WNT7A: variants seen among roughly 807,000 people sequenced by gnomAD.
The protein encoded by WNT7A is protein Wnt-7a.
Under a neutral mutation model 28.2 loss-of-function variants are expected in WNT7A, and 16 were observed. The ratio of observed to expected loss-of-function variants is 0.57; its 90% CI spans 0.38 to 0.86. The LOEUF is 0.86. WNT7A is among the 40% of genes least tolerant of loss of function. The probability of loss-of-function intolerance (pLI) is 0.00; values close to 1 mark genes in which losing one functional copy is unlikely to be tolerated. For missense variants in WNT7A, 411 were observed against 489.7 expected (o/e 0.84, Z 1.52); for synonymous variants, 190 against 195.9 (o/e 0.97, Z 0.25).
chr3:13,830,434 C>G (rs1185388580), intron 3 of WNT7A, among the ~76,000 whole-genome samples: 2 of 152,166 alleles, frequency 1.3e-5, no homozygotes, highest in Non-Finnish European at 2.9e-5. Flanking sequence ...TTCTTGTCTC[C>G]AAGCACCCAC....
rs1695181572 is a variant in WNT7A at position 13,879,848 on chromosome 3, G to T, written c.-32C>A. On this transcript the variant is annotated 5_prime_UTR_variant, in exon 1 of 4. Transcript: ENST00000285018. ...GATTGGCCGCCGGGGCCGCGGGCCG[G>T]GCTGTGCTGATCCCGCGGGCCGGCC... 6.3e-7 allele frequency: 1 copy of T among 1,592,642 alleles called. No individual in the cohort carries two copies. Among genetic ancestry groups the T allele is most frequent in the Non-Finnish European group, 8.6e-7 (1 of 1,168,500 alleles).
chr3:13,874,492 C>T (rs1168850833), intron 2 of WNT7A, among the ~76,000 whole-genome samples: 3 of 152,082 alleles, frequency 2.0e-5, no homozygotes, highest in Admixed American at 6.5e-5. Flanking sequence ...GTGGGGACTG[C>T]GGCAGTGAAT....
At chr3:13,829,290 T>C (rs1465477558) in intron 3 of WNT7A, among the ~76,000 whole-genome samples, 1 of 152,196 alleles carries the variant, frequency 6.6e-6, no homozygotes, top group Non-Finnish European at 1.5e-5. Context: ...CAAACTCCTA[T>C]CATCAAAACC....
At chr3:13,837,124 C>A (rs1044294817) in intron 3 of WNT7A, among the ~76,000 whole-genome samples, 17 of 152,144 alleles carry the variant, frequency 1.1e-4, no homozygotes, top group African/African-American at 3.6e-4. Flanking sequence ...CATCCTCTGC[C>A]CTGTCCTCTG....
At chr3:13,824,647 C>G (rs1053931563) in intron 3 of WNT7A, among the ~76,000 whole-genome samples, 2 of 152,200 alleles carry the variant, frequency 1.3e-5, no homozygotes, top group Non-Finnish European at 2.9e-5. Context: ...CCCCCAGGCC[C>G]ATGCTCTCTC....
intron 1 of WNT7A, chr3:13,875,845 T>A (rs1695102956): frequency 6.5e-6 from 1 of 154,006 alleles, no homozygotes; most frequent in Non-Finnish European, 1.4e-5. Context: ...ATGAGGAGAA[T>A]TCCTATCTTC....
intron 3 of WNT7A, among the ~76,000 whole-genome samples, chr3:13,823,341 C>A (rs1296848131): frequency 2.0e-5 from 3 of 152,190 alleles, no homozygotes; most frequent in African/African-American, 7.2e-5. Flanking sequence ...CGGCTCCATG[C>A]AGCTTCCCAG....
chr3:13,879,930 G>A lies in WNT7A; in HGVS notation c.-114C>T. 1.2e-6 allele frequency: 1 copy of A among 812,572 alleles called. No homozygotes were observed. Among genetic ancestry groups the A allele is most frequent in the East Asian group, 3.5e-5 (1 of 28,540 alleles). 50.3% of individuals were successfully genotyped at this position (812,572 alleles called of 1,614,324 possible). A position where few individuals can be genotyped will look rare whatever the true frequency, so the allele number is the denominator to read the frequency against. On this transcript the variant is annotated 5_prime_UTR_variant, in exon 1 of 4. Transcript: ENST00000285018. ...AGGCGCGAGCCGAGGCGTCCCCGGG[G>A]CCGTCTGTCGGTGCGCCCGTCCGCG...
At chr3:13,868,503 A>G (rs1341820002) in intron 2 of WNT7A, among the ~76,000 whole-genome samples, 1 of 146,634 alleles carries the variant, frequency 6.8e-6, no homozygotes, top group African/African-American at 2.5e-5. Flanking sequence ...AAAGAAAGAA[A>G]GAAAGAGAGA....
chr3:13,822,067 G>A (rs1694119233), intron 3 of WNT7A, among the ~76,000 whole-genome samples: 1 of 152,234 alleles, frequency 6.6e-6, no homozygotes, highest in Admixed American at 6.5e-5. Context: ...CTCACTAGGA[G>A]GCTAAGACAA....
rs575138266 is a variant in WNT7A, at chr3:13,878,923, C to T, written c.71+823G>A. 4.8e-3 allele frequency among the ~76,000 whole-genome samples: 733 copies of T among 152,282 alleles called. 8 individuals carry two copies. Among genetic ancestry groups the T allele is most frequent in the African/African-American group, 0.017 (693 of 41,556 alleles). The stretch of plus-strand genomic sequence containing the variant: ...ACGCGTCCCGAGCTGCCCCCTCCCA[C>T]CTTCCAGCCAGAGCGCCCCCGAGCC... On this transcript the variant is annotated intron_variant, in intron 1 of 3. Coordinates refer to ENST00000285018, the MANE Select transcript of WNT7A (RefSeq NM_004625.4).
intron 3 of WNT7A, among the ~76,000 whole-genome samples, chr3:13,847,795 G>A (rs911601381): frequency 3.9e-5 from 6 of 152,062 alleles, no homozygotes; most frequent in African/African-American, 1.4e-4. Flanking sequence ...GTGGGTGCCA[G>A]GGGCTGGGGT....
chr3:13,824,401 G>A (rs1201420266), intron 3 of WNT7A, among the ~76,000 whole-genome samples: 2 of 152,198 alleles, frequency 1.3e-5, no homozygotes, highest in Non-Finnish European at 2.9e-5. Flanking sequence ...AAAGTTTTCA[G>A]GGTCTGTGCA....
chr3:13,862,636 G>GTA (rs2124867827), intron 2 of WNT7A, among the ~76,000 whole-genome samples: 1 of 152,348 alleles, frequency 6.6e-6, no homozygotes, highest in East Asian at 1.9e-4. Flanking sequence ...GCCTCTCAAT[G>GTA]AATAACTGGA....
chr3:13,849,083 C>T (rs957046292), intron 3 of WNT7A, among the ~76,000 whole-genome samples: 3 of 152,116 alleles, frequency 2.0e-5, no homozygotes, highest in Admixed American at 6.5e-5. Context: ...GCTGGGGATT[C>T]GGAAGGGGAA....
intron 3 of WNT7A, among the ~76,000 whole-genome samples, chr3:13,846,708 T>G (rs1300506009): frequency 6.6e-6 from 1 of 152,146 alleles, no homozygotes; most frequent in Non-Finnish European, 1.5e-5. Flanking sequence ...CCCCATATTC[T>G]TCCATCCCGT....
At chr3:13,872,243 G>T (rs957758431) in intron 2 of WNT7A, among the ~76,000 whole-genome samples, 2 of 152,092 alleles carry the variant, frequency 1.3e-5, no homozygotes, top group African/African-American at 2.4e-5. Context: ...TTCCTATAAG[G>T]TTGAATGGAT....
intron 2 of WNT7A, among the ~76,000 whole-genome samples, chr3:13,873,328 C>T (rs894866904): frequency 2.6e-5 from 4 of 151,794 alleles, no homozygotes; most frequent in African/African-American, 4.8e-5. Context: ...CAAATGTCAC[C>T]TGGTGACATT....
At chr3:13,858,859 G>T (rs1694787510) in intron 2 of WNT7A, among the ~76,000 whole-genome samples, 1 of 152,188 alleles carries the variant, frequency 6.6e-6, no homozygotes, top group South Asian at 2.1e-4. Flanking sequence ...ATTAGACTGG[G>T]ATGATCCAAT....
Sources: gnomAD v4.1 joint callset for allele counts (sites outside exome capture counted in the v4.1 genomes callset) on GRCh38, gnomAD v4.1.1 for gene constraint, MANE v1.5 for transcripts, NCBI Gene and HGNC (gene_info 2026-07-23, HGNC 2026-07-21) for gene names.